The following TANC1 variants were observed in gnomAD, a reference collection of about 807,000 sequenced individuals.
TANC1 encodes tetratricopeptide repeat, ankyrin repeat and coiled-coil containing 1, also known as protein TANC1.
In TANC1, 77 loss-of-function variants were observed where a neutral mutation model predicts 149.7. The ratio of observed to expected loss-of-function variants is 0.51; its 90% CI spans 0.43 to 0.62. The LOEUF (loss-of-function observed/expected upper bound fraction) is 0.62, where lower values mean the gene tolerates loss of function less well. Ranked by LOEUF, TANC1 falls within the 20% of genes least tolerant of loss-of-function variation. The probability of loss-of-function intolerance (pLI) is 0.00; values close to 1 mark genes in which losing one functional copy is unlikely to be tolerated. For missense variants in TANC1, 1,985 were observed against 2,321.8 expected (o/e 0.85, Z 2.98); for synonymous variants, 854 against 925.0 (o/e 0.92, Z 1.39).
At chr2:159,118,207 C>T (rs1050822336) in intron 4 of TANC1, among the ~76,000 whole-genome samples, 1 of 152,162 alleles carries the variant, frequency 6.6e-6, no homozygotes, top group African/African-American at 2.4e-5. Context: ...TCGTTTCCTT[C>T]CCTCCCCCTT....
chr2:159,007,167 A>G (rs1256174270), intron 2 of TANC1, among the ~76,000 whole-genome samples: 4 of 93,866 alleles, frequency 4.3e-5, no homozygotes, highest in Non-Finnish European at 6.1e-5. Context: ...TTTTTTTGAG[A>G]CAGAGTTTTG....
At chr2:159,208,411 T>A (rs1305582182) in intron 19 of TANC1, among the ~76,000 whole-genome samples, 1 of 152,242 alleles carries the variant, frequency 6.6e-6, no homozygotes, top group Non-Finnish European at 1.5e-5. Flanking sequence ...CACATTTTAT[T>A]TTTTAAAAGA....
chr2:159,159,521 G>A (rs532172432), intron 7 of TANC1, among the ~76,000 whole-genome samples: 1 of 151,910 alleles, frequency 6.6e-6, no homozygotes, highest in East Asian at 1.9e-4. Context: ...AGCATTTGAT[G>A]ACTGAGTGGA....
rs535034742 is a variant in TANC1 at position 159,085,461 on chromosome 2, A to T, written c.62-12176A>T. ...GGGCTTAAGAACTGCCAGCTTGATC[A>T]TCATTATTAGGGCCGATATACACAA... On this transcript the variant is annotated intron_variant, in intron 3 of 26. Coordinates refer to ENST00000263635, the MANE Select transcript of TANC1 (RefSeq NM_033394.3). 2.6e-5 allele frequency among the ~76,000 whole-genome samples: 4 copies of T among 152,268 alleles called. No individual in the cohort carries two copies. In the East Asian group the frequency reaches 7.7e-4, roughly 29 times the overall value.
At chr2:159,207,260 T>C (rs2058669158) in intron 19 of TANC1, among the ~76,000 whole-genome samples, 1 of 152,220 alleles carries the variant, frequency 6.6e-6, no homozygotes, top group East Asian at 1.9e-4. Flanking sequence ...TAAACCATTT[T>C]TATTGTCCAT....
At chr2:159,069,099 C>A (rs1315346852) in intron 3 of TANC1, among the ~76,000 whole-genome samples, 3 of 152,150 alleles carry the variant, frequency 2.0e-5, no homozygotes, top group African/African-American at 7.2e-5. Context: ...CGAGTAAACT[C>A]AAAATAGCAG....
chr2:159,118,751 A>G (rs1386643529), intron 4 of TANC1, among the ~76,000 whole-genome samples: 1 of 152,226 alleles, frequency 6.6e-6, no homozygotes, highest in Non-Finnish European at 1.5e-5. Context: ...CATCTGAATC[A>G]GCATTGAAGC....
chr2:159,040,783 C>G lies in TANC1; in HGVS notation c.-15-25113C>G, dbSNP rs150204193. 2.1e-3 allele frequency among the ~76,000 whole-genome samples: 323 copies of G among 152,314 alleles called. 2 individuals are homozygous for G. The highest frequency in any genetic ancestry group is 0.01 in the Middle Eastern group (3 of 294). On this transcript the variant is annotated intron_variant, in intron 2 of 26. Transcript: ENST00000263635. ...TCTGTCAACTAGTCAAAGTCATTCT[C>G]CGTCCAGCTTTTTTCCATTTCTGGT...
At chr2:159,023,373 C>T (rs558329236) in intron 2 of TANC1, among the ~76,000 whole-genome samples, 5 of 151,108 alleles carry the variant, frequency 3.3e-5, no homozygotes, top group African/African-American at 7.3e-5. Context: ...GGCAGAGTCT[C>T]GCTCTGTCAC....
intron 1 of TANC1, among the ~76,000 whole-genome samples, chr2:158,993,802 T>G (rs572102478): frequency 6.6e-6 from 1 of 152,280 alleles, no homozygotes; most frequent in African/African-American, 2.4e-5. Flanking sequence ...ATTTCTAAAG[T>G]CATCTCCTGG....
At chr2:158,989,908 T>TA (rs2035433904) in intron 1 of TANC1, among the ~76,000 whole-genome samples, 2 of 151,190 alleles carry the variant, frequency 1.3e-5, no homozygotes, top group Admixed American at 1.3e-4. Context: ...TCTTCATCTG[T>TA]AAAATGGGGA....
intron 16 of TANC1, among the ~76,000 whole-genome samples, chr2:159,191,948 C>A (rs2057475946): frequency 6.6e-6 from 1 of 151,840 alleles, no homozygotes; most frequent in Admixed American, 6.6e-5. Flanking sequence ...TTGAAGTAAG[C>A]CATTGAAAGA....
intron 4 of TANC1, among the ~76,000 whole-genome samples, chr2:159,117,444 G>T (rs1283278550): frequency 6.6e-6 from 1 of 151,832 alleles, no homozygotes; most frequent in Non-Finnish European, 1.5e-5. Flanking sequence ...TGCCCAGGCT[G>T]GAGTGCAGTG....
intron 9 of TANC1, 106 bp downstream of exon 9, chr2:159,169,478 T>G: frequency 8.4e-7 from 1 of 1,194,536 alleles, no homozygotes; most frequent in African/African-American, 1.5e-5. Context: ...TATAACATGA[T>G]GGAAAGTGTG....
intron 2 of TANC1, among the ~76,000 whole-genome samples, chr2:159,016,580 T>G (rs927631319): frequency 6.7e-6 from 1 of 149,568 alleles, no homozygotes; most frequent in African/African-American, 2.5e-5. Flanking sequence ...CAAAATTTTT[T>G]GTTTTTTTTT....
intron 7 of TANC1, among the ~76,000 whole-genome samples, chr2:159,152,460 C>CG (rs1158074568): frequency 3.5e-5 from 5 of 144,658 alleles, no homozygotes; most frequent in Non-Finnish European, 7.7e-5. Context: ...TGATTATAAC[C>CG]AAATTTTTTT....
At chr2:159,056,160 G>T in intron 2 of TANC1, 1 of 244,500 alleles carries the variant, frequency 4.1e-6, no homozygotes, top group South Asian at 6.4e-5. Flanking sequence ...ATGCACTTTT[G>T]ATCCAGGACG....
intron 5 of TANC1, among the ~76,000 whole-genome samples, chr2:159,136,507 A>G (rs1260359836): frequency 2.6e-5 from 4 of 152,234 alleles, no homozygotes; most frequent in Non-Finnish European, 5.9e-5. Context: ...TTAAGTGGGT[A>G]CATATGCATT....
chr2:159,205,524 CTA>C (rs2058542008), intron 19 of TANC1, among the ~76,000 whole-genome samples: 1 of 152,274 alleles, frequency 6.6e-6, no homozygotes, highest in Admixed American at 6.5e-5. Context: ...GCTACTTTTT[CTA>C]TGTTTTGTTA....
Sources: allele counts gnomAD v4.1 joint callset (sites outside exome capture counted in the v4.1 genomes callset), GRCh38; gene constraint gnomAD v4.1.1; transcripts MANE v1.5; gene names NCBI Gene and HGNC (gene_info 2026-07-23, HGNC 2026-07-21).